SEC62: variants seen among roughly 807,000 people sequenced by gnomAD.
SEC62 encodes translocation protein SEC62.
A neutral mutation model predicts 47.5 loss-of-function variants in SEC62; 10 were observed. That is an observed-to-expected ratio of 0.21 (90% CI 0.13 to 0.36). SEC62 has a LOEUF of 0.36. SEC62 is among the 10% of genes least tolerant of loss of function. SEC62 has a pLI of 1.00. For synonymous variants in SEC62, 136 were observed against 150.5 expected, an observed-to-expected ratio of 0.90 and a Z score of 0.71; for missense variants, 327 against 464.1, an observed-to-expected ratio of 0.70 and a Z score of 2.71.
chr3:169,978,042 G>T (rs1714877603), intron 3 of SEC62, among the ~76,000 whole-genome samples: 1 of 152,234 alleles, frequency 6.6e-6, no homozygotes, highest in Non-Finnish European at 1.5e-5. Context: ...CACTTTGGGA[G>T]GCCGAGGCAG....
intron 1 of SEC62, 105 bp from the exon 2 acceptor site, chr3:169,975,503 T>C (rs1192599326): frequency 1.4e-6 from 1 of 718,628 alleles, no homozygotes; most frequent in Non-Finnish European, 2.3e-6. Context: ...AAGCAAGGCC[T>C]GTACTCCACT....
At chr3:169,977,827 T>A (rs892771219) in intron 3 of SEC62, among the ~76,000 whole-genome samples, 1 of 152,194 alleles carries the variant, frequency 6.6e-6, no homozygotes, top group Non-Finnish European at 1.5e-5. Context: ...GTACTAATAT[T>A]TTATTTAATG....
intron 6 of SEC62, among the ~76,000 whole-genome samples, chr3:169,986,427 A>G (rs995458110): frequency 6.6e-6 from 1 of 152,174 alleles, no homozygotes; most frequent in Non-Finnish European, 1.5e-5. Context: ...ATATCTTTCA[A>G]ATTCAAAATG....
chr3:169,977,809 T>G (rs1055468176), intron 3 of SEC62, among the ~76,000 whole-genome samples: 1 of 152,180 alleles, frequency 6.6e-6, no homozygotes, highest in Non-Finnish European at 1.5e-5. Context: ...TTTTAGATTA[T>G]TTTATGTGTA....
intron 6 of SEC62, among the ~76,000 whole-genome samples, chr3:169,986,480 C>T (rs964159116): frequency 7.2e-5 from 11 of 152,196 alleles, no homozygotes; most frequent in African/African-American, 2.6e-4. Context: ...AAGGAATTTA[C>T]CCTATGCCAT....
At position 169,993,144 on chromosome 3, in the gene SEC62, G is replaced by A. The variant is rs921683248; in HGVS notation, c.*81G>A. ...GGCTGATTACCATATTGAACACATG[G>A]CATTTGTAGCATTCTTTAAATCTAT... On this transcript the variant is annotated 3_prime_UTR_variant, in exon 8 of 8. Coordinates refer to ENST00000337002, the MANE Select transcript of SEC62 (RefSeq NM_003262.4). 8 of 948,562 alleles carry A rather than the reference G, an allele frequency of 8.4e-6. No homozygotes were observed. The highest frequency in any genetic ancestry group is 1.2e-5 in the Non-Finnish European group (8 of 640,852). The allele number at this position is 948,562 out of a possible 1,614,324, so 58.8% of individuals were successfully genotyped here.
chr3:169,982,875 GAAA>G lies in SEC62; in HGVS notation c.427_429del (p.Lys143del). The G allele has an allele frequency of 6.5e-7, 1 of 1,531,682 alleles. No individual in the cohort carries two copies. Among genetic ancestry groups the G allele is most frequent in the Non-Finnish European group, 8.7e-7 (1 of 1,144,484 alleles). The allele number at this position is 1,531,682 out of a possible 1,614,324, so 94.9% of individuals were successfully genotyped here. A position where few individuals can be genotyped will look rare whatever the true frequency, so the allele number is the denominator to read the frequency against. The stretch of plus-strand genomic sequence containing the variant: ...ATGAGAAGACAAAAAAAGAAAAAGA[GAAA>G]AAAAAAGATGGTGAAAAGGAAGAAT... On this transcript the variant is annotated inframe_deletion, in exon 4 of 8. Coordinates refer to ENST00000337002, the MANE Select transcript of SEC62 (RefSeq NM_003262.4).
At chr3:169,969,878 A>G (rs1714654114) in intron 1 of SEC62, among the ~76,000 whole-genome samples, 1 of 152,214 alleles carries the variant, frequency 6.6e-6, no homozygotes, top group Admixed American at 6.5e-5. Context: ...TTAAATGGCT[A>G]ATTCTTAGAA....
chr3:169,979,374 G>A (rs1268775320), intron 3 of SEC62, among the ~76,000 whole-genome samples: 2 of 152,052 alleles, frequency 1.3e-5, no homozygotes, highest in African/African-American at 4.8e-5. Context: ...AGTGGCATGA[G>A]GGAGTCTGAG....
chr3:169,975,754 T>A (rs778055643), intron 2 of SEC62, 38 bp downstream of exon 2: 1 of 1,374,874 alleles, frequency 7.3e-7, no homozygotes, highest in South Asian at 1.2e-5. Context: ...AGTGTACATA[T>A]GTTATGAAGT....
intron 7 of SEC62, among the ~76,000 whole-genome samples, chr3:169,990,663 A>G (rs1576865310): frequency 1.3e-5 from 2 of 152,356 alleles, no homozygotes; most frequent in South Asian, 4.1e-4. Flanking sequence ...AAAAAAATGT[A>G]CAGCCTCCTT....
chr3:169,970,913 G>A (rs536223253), intron 1 of SEC62, among the ~76,000 whole-genome samples: 1 of 152,156 alleles, frequency 6.6e-6, no homozygotes, highest in East Asian at 1.9e-4. Context: ...CAAAGAGGGG[G>A]AGGTACTGTA....
rs1715410218 is a variant in SEC62 at position 169,997,507 on chromosome 3, C to G, written c.*4444C>G. ...TTGAGATGGAGTCTCACTCTGTCAC[C>G]CAGGCTGGAGTGCAGTGGCGAAATC... On this transcript the variant is annotated 3_prime_UTR_variant, in exon 8 of 8. Transcript: ENST00000337002. 6.6e-6 allele frequency: 1 copy of G among 152,394 alleles called. No individual in the cohort carries two copies. Among genetic ancestry groups the G allele is most frequent in the East Asian group, 1.9e-4 (1 of 5,188 alleles). The allele number at this position is 152,394 out of a possible 1,614,324, so 9.4% of individuals were successfully genotyped here. A position where few individuals can be genotyped will look rare whatever the true frequency, so the allele number is the denominator to read the frequency against.
intron 1 of SEC62, 134 bp from the exon 2 acceptor site, chr3:169,975,474 C>T (rs558472974): frequency 3.7e-5 from 20 of 544,102 alleles, no homozygotes; most frequent in African/African-American, 2.1e-4. Flanking sequence ...TTTATTAGGT[C>T]GCTCCAGAGA....
chr3:169,981,869 G>A (rs746955520), intron 3 of SEC62, among the ~76,000 whole-genome samples: 3 of 152,194 alleles, frequency 2.0e-5, no homozygotes, highest in Non-Finnish European at 4.4e-5. Flanking sequence ...ACGAGAGAAT[G>A]GGAAGGTGGG....
rs1715362847 is a variant in SEC62, at chr3:169,995,907, GAC to G, written c.*2848_*2849del. On this transcript the variant is annotated 3_prime_UTR_variant, in exon 8 of 8. Transcript: ENST00000337002. ...ACTCATGCCTGAATGAAGCTTATCT[GAC>G]ACATAAGCTTCATAAGGCACACAAC... 1 of 152,130 alleles carries G rather than the reference GAC, an allele frequency of 6.6e-6. No homozygotes were observed. Among genetic ancestry groups the G allele is most frequent in the Admixed American group, 6.6e-5 (1 of 15,260 alleles). The allele number at this position is 152,130 out of a possible 1,614,324, so 9.4% of individuals were successfully genotyped here.
intron 7 of SEC62, among the ~76,000 whole-genome samples, chr3:169,989,976 AATAT>A (rs961565364): frequency 4.1e-5 from 6 of 147,220 alleles, no homozygotes; most frequent in African/African-American, 1.5e-4. Flanking sequence ...ATTATATATG[AATAT>A]ATATGATATA....
intron 7 of SEC62, among the ~76,000 whole-genome samples, chr3:169,990,173 C>G (rs539774558): frequency 7.2e-5 from 11 of 151,762 alleles, no homozygotes; most frequent in African/African-American, 2.7e-4. Flanking sequence ...AGAATCATAG[C>G]TCACTGTACC....
chr3:169,973,149 G>A (rs950970388), intron 1 of SEC62, among the ~76,000 whole-genome samples: 2 of 152,186 alleles, frequency 1.3e-5, no homozygotes, highest in African/African-American at 4.8e-5. Context: ...GCGAAGTGTA[G>A]TGTATTTTAC....
Sources: gnomAD v4.1 joint callset for allele counts (sites outside exome capture counted in the v4.1 genomes callset) on GRCh38, gnomAD v4.1.1 for gene constraint, MANE v1.5 for transcripts, NCBI Gene and HGNC (gene_info 2026-07-23, HGNC 2026-07-21) for gene names.